TNR: variants seen among roughly 807,000 people sequenced by gnomAD.
TNR encodes the protein tenascin R.
TNR carries 45 observed loss-of-function variants against 150.4 expected under a neutral mutation model. The observed-to-expected ratio is 0.30, with a 90% CI of 0.24 to 0.38. The LOEUF (loss-of-function observed/expected upper bound fraction) is 0.38. TNR is among the 10% of genes least tolerant of loss of function. TNR has a pLI of 1.00. For missense variants in TNR, 1,544 were observed against 1,759.1 expected (o/e 0.88, Z 2.19); for synonymous variants, 687 against 678.4 (o/e 1.01, Z -0.20).
At chr1:175,683,600 C>T (rs986791367) in intron 1 of TNR, among the ~76,000 whole-genome samples, 1 of 152,208 alleles carries the variant, frequency 6.6e-6, no homozygotes, top group Non-Finnish European at 1.5e-5. Flanking sequence ...CCAGCCCAGG[C>T]TGGACATCCA....
chr1:175,675,415 G>A (rs1458695591), intron 1 of TNR, among the ~76,000 whole-genome samples: 1 of 152,172 alleles, frequency 6.6e-6, no homozygotes, highest in Non-Finnish European at 1.5e-5. Flanking sequence ...CACAAATATT[G>A]CATTCATGAC....
chr1:175,650,443 C>T (rs1383416385), intron 1 of TNR, among the ~76,000 whole-genome samples: 1 of 151,812 alleles, frequency 6.6e-6, no homozygotes, highest in African/African-American at 2.4e-5. Context: ...ATTGAGTTGA[C>T]CATCTTATAA....
At chr1:175,351,976 C>T (rs1220399740) in intron 18 of TNR, among the ~76,000 whole-genome samples, 1 of 152,190 alleles carries the variant, frequency 6.6e-6, no homozygotes, top group Non-Finnish European at 1.5e-5. Flanking sequence ...CTAAATACAT[C>T]CTGATAGTCC....
intron 1 of TNR, among the ~76,000 whole-genome samples, chr1:175,559,746 T>A (rs1661345343): frequency 1.3e-5 from 2 of 152,242 alleles, no homozygotes; most frequent in African/African-American, 4.8e-5. Flanking sequence ...TTCAGGTTAT[T>A]TCTGTTTGTA....
chr1:175,570,851 A>T (rs1661839246), intron 1 of TNR, among the ~76,000 whole-genome samples: 1 of 152,046 alleles, frequency 6.6e-6, no homozygotes, highest in African/African-American at 2.4e-5. Context: ...TTTCTCCCAC[A>T]CCTTTCCTAA....
At chr1:175,423,238 G>A (rs1240601970) in intron 2 of TNR, among the ~76,000 whole-genome samples, 2 of 152,148 alleles carry the variant, frequency 1.3e-5, no homozygotes, top group Non-Finnish European at 2.9e-5. Flanking sequence ...TTCCTCATGG[G>A]CCAGAGGTTC....
At chr1:175,512,337 A>T (rs534790276) in intron 2 of TNR, among the ~76,000 whole-genome samples, 82 of 152,370 alleles carry the variant, frequency 5.4e-4, no homozygotes, top group Non-Finnish European at 9.3e-4. Context: ...GAAATATTTT[A>T]AAAATCTTTA....
In TNR at chr1:175,316,901, A is replaced by T. The variant is rs913376085; in HGVS notation, c.*6456T>A. ...TTTCTTAAAAGTCAGAAGAAGTGGC[A>T]TCAAAGCCCCCTTGTAAGAATATTA... On this transcript the variant is annotated 3_prime_UTR_variant, in exon 23 of 23. Transcript: ENST00000367674. The T allele has an allele frequency of 1.3e-5, 2 of 152,248 alleles. No homozygotes were observed. The highest frequency in any genetic ancestry group is 4.8e-5 in the African/African-American group (2 of 41,478). The allele number at this position is 152,248 out of a possible 1,614,324, so 9.4% of individuals were successfully genotyped here.
intron 1 of TNR, among the ~76,000 whole-genome samples, chr1:175,722,436 C>T (rs1202582873): frequency 6.6e-6 from 1 of 152,102 alleles, no homozygotes; most frequent in Admixed American, 6.5e-5. Context: ...TTTTCCCACC[C>T]TATTCTTCTA....
At chr1:175,682,335 A>G (rs1666058725) in intron 1 of TNR, among the ~76,000 whole-genome samples, 1 of 152,232 alleles carries the variant, frequency 6.6e-6, no homozygotes, top group Admixed American at 6.5e-5. Context: ...CAATGACTCT[A>G]TGGAGTGGGG....
At chr1:175,427,519 T>A (rs1018154773) in intron 2 of TNR, among the ~76,000 whole-genome samples, 1 of 152,224 alleles carries the variant, frequency 6.6e-6, no homozygotes, top group Non-Finnish European at 1.5e-5. Context: ...AATGGTCCCA[T>A]GTGGCTGGTG....
chr1:175,483,814 G>C (rs1205836742), intron 2 of TNR, among the ~76,000 whole-genome samples: 3 of 152,176 alleles, frequency 2.0e-5, no homozygotes, highest in Non-Finnish European at 4.4e-5. Context: ...TCTGAGGCTA[G>C]AGGGCTCTTG....
intron 21 of TNR, among the ~76,000 whole-genome samples, chr1:175,327,542 G>A (rs537457415): frequency 3.9e-5 from 6 of 152,052 alleles, no homozygotes; most frequent in Non-Finnish European, 8.8e-5. Context: ...GCCCTCCAGT[G>A]CTACCATGTT....
intron 2 of TNR, among the ~76,000 whole-genome samples, chr1:175,506,424 C>G: frequency 6.6e-6 from 1 of 152,124 alleles, no homozygotes; most frequent in South Asian, 2.1e-4. Flanking sequence ...AGTCCTAACC[C>G]CCAGTACTTG....
intron 9 of TNR, among the ~76,000 whole-genome samples, chr1:175,372,517 T>A (rs991929753): frequency 6.6e-6 from 1 of 152,238 alleles, no homozygotes; most frequent in African/African-American, 2.4e-5. Flanking sequence ...TGGGGCATAA[T>A]GAGCATTCAT....
intron 2 of TNR, among the ~76,000 whole-genome samples, chr1:175,503,253 G>T (rs1658814109): frequency 6.6e-6 from 1 of 152,198 alleles, no homozygotes; most frequent in Non-Finnish European, 1.5e-5. Context: ...TGGGCCCTGA[G>T]GATGGATCCC....
At chr1:175,446,455 G>A (rs1403313196) in intron 2 of TNR, among the ~76,000 whole-genome samples, 1 of 152,134 alleles carries the variant, frequency 6.6e-6, no homozygotes, top group African/African-American at 2.4e-5. Context: ...GTAGTTATGG[G>A]TGACATAGTC....
intron 1 of TNR, among the ~76,000 whole-genome samples, chr1:175,739,275 A>G (rs1667857000): frequency 6.6e-6 from 1 of 152,146 alleles, no homozygotes; most frequent in Admixed American, 6.5e-5. Context: ...ACCTACCTGG[A>G]CACATTTTAA....
intron 1 of TNR, among the ~76,000 whole-genome samples, chr1:175,657,850 CATGTATATAT>C (rs1360832459): frequency 4.6e-5 from 3 of 65,146 alleles, no homozygotes; most frequent in Non-Finnish European, 8.4e-5. Flanking sequence ...CAACATGGAA[CATGTATATAT>C]ATATATATAT....
Sources: gnomAD v4.1 joint callset for allele counts (sites outside exome capture counted in the v4.1 genomes callset) on GRCh38, gnomAD v4.1.1 for gene constraint, MANE v1.5 for transcripts, NCBI Gene and HGNC (gene_info 2026-07-23, HGNC 2026-07-21) for gene names.